Variants in KIAA1549L observed in about 807,000 individuals in gnomAD.
KIAA1549L encodes UPF0606 protein KIAA1549L.
Under a neutral mutation model 160.7 loss-of-function variants are expected in KIAA1549L, and 88 were observed. That is an observed-to-expected ratio of 0.55 (90% CI 0.46 to 0.65). The LOEUF (loss-of-function observed/expected upper bound fraction) is 0.65. KIAA1549L is among the 30% of genes least tolerant of loss of function. The probability of loss-of-function intolerance (pLI) is 0.00; values close to 1 mark genes in which losing one functional copy is unlikely to be tolerated. For synonymous variants in KIAA1549L, 950 were observed against 976.7 expected (o/e 0.97, Z 0.51); for missense variants, 2,258 against 2,437.5 (o/e 0.93, Z 1.55).
intron 1 of KIAA1549L, among the ~76,000 whole-genome samples, chr11:33,515,963 A>G (rs909802283): frequency 1.3e-5 from 2 of 152,172 alleles, no homozygotes; most frequent in African/African-American, 4.8e-5. Flanking sequence ...AACCTCAGAG[A>G]TCACCTTCCC....
intron 1 of KIAA1549L, among the ~76,000 whole-genome samples, chr11:33,533,953 G>A (rs2133155878): frequency 6.6e-6 from 1 of 152,282 alleles, no homozygotes. Flanking sequence ...AATACTGTCG[G>A]TCCAAACACA....
intron 18 of KIAA1549L, among the ~76,000 whole-genome samples, chr11:33,657,765 C>G (rs1852118000): frequency 1.3e-5 from 2 of 152,086 alleles, no homozygotes; most frequent in Non-Finnish European, 2.9e-5. Flanking sequence ...CCACTGCACT[C>G]CAGCCTGGGT....
At chr11:33,650,661 C>T (rs527426631) in intron 17 of KIAA1549L, among the ~76,000 whole-genome samples, 2 of 152,162 alleles carry the variant, frequency 1.3e-5, no homozygotes, top group Non-Finnish European at 2.9e-5. Context: ...CCAGATTCTT[C>T]CCTTCCTTCC....
chr11:33,598,748 A>G, intron 12 of KIAA1549L, 72 bp from the exon 13 acceptor site: 1 of 1,564,316 alleles, frequency 6.4e-7, no homozygotes, highest in Non-Finnish European at 8.8e-7. Flanking sequence ...AACTGTGCAA[A>G]TAAAATAACC....
At chr11:33,467,156 C>A (rs1048707698) in intron 1 of KIAA1549L, among the ~76,000 whole-genome samples, 1 of 151,850 alleles carries the variant, frequency 6.6e-6, no homozygotes, top group Non-Finnish European at 1.5e-5. Flanking sequence ...ATTTTCTTTT[C>A]ATAACGAAGT....
At chr11:33,381,853 T>A (rs2134032447) in intron 1 of KIAA1549L, among the ~76,000 whole-genome samples, 1 of 152,072 alleles carries the variant, frequency 6.6e-6, no homozygotes, top group South Asian at 2.1e-4. Flanking sequence ...ATTAAAAGGG[T>A]AGGAGAGAAA....
At chr11:33,584,176 T>C (rs1365656544) in intron 11 of KIAA1549L, among the ~76,000 whole-genome samples, 1 of 152,242 alleles carries the variant, frequency 6.6e-6, no homozygotes, top group Non-Finnish European at 1.5e-5. Flanking sequence ...GATCTTGGAC[T>C]TCTCAGCCTC....
chr11:33,574,206 TAA>T (rs59436587), intron 9 of KIAA1549L, among the ~76,000 whole-genome samples: 14,492 of 137,616 alleles, frequency 0.11, 926 homozygotes, highest in East Asian at 0.35. Context: ...AACTTTTAGG[TAA>T]AAAAAAAAAA....
At chr11:33,455,139 T>C (rs567171375) in intron 1 of KIAA1549L, among the ~76,000 whole-genome samples, 2 of 152,100 alleles carry the variant, frequency 1.3e-5, no homozygotes, top group Non-Finnish European at 2.9e-5. Context: ...AAAAACCGTT[T>C]AGCAAAACAA....
chr11:33,459,938 G>A (rs1590261125), intron 1 of KIAA1549L, among the ~76,000 whole-genome samples: 2 of 128,448 alleles, frequency 1.6e-5, no homozygotes, highest in East Asian at 2.1e-4. Context: ...TCCAGCCTGG[G>A]CGACAGAGCG....
intron 15 of KIAA1549L, among the ~76,000 whole-genome samples, chr11:33,615,299 A>G (rs1033683865): frequency 1.3e-5 from 2 of 152,182 alleles, no homozygotes; most frequent in Non-Finnish European, 2.9e-5. Context: ...TTCCATAGAA[A>G]GAGAACATAA....
chr11:33,551,359 AT>A (rs1347099731), intron 5 of KIAA1549L, 100 bp downstream of exon 5: 7 of 991,086 alleles, frequency 7.1e-6, no homozygotes, highest in African/African-American at 3.2e-5. Flanking sequence ...CTGCTGTGTC[AT>A]TTTTTAGTCC....
rs367646571 is a variant in KIAA1549L at position 33,569,849 on chromosome 11, G to A, written c.4230+1622G>A. On this transcript the variant is annotated intron_variant, in intron 9 of 20. Coordinates refer to ENST00000658780, the MANE Select transcript of KIAA1549L (RefSeq NM_012194.3). ...CACTTTTCCAAATGACAGGAAGAAA[G>A]TCACTGGTGCTCAGATAATGGAACT... is the stretch of plus-strand genomic sequence containing the variant. Among the ~76,000 whole-genome samples the A allele has an allele frequency of 5.5e-4, 84 of 152,298 alleles. 1 individual carries two copies. The highest frequency in any genetic ancestry group is 1.8e-3 in the African/African-American group (76 of 41,556).
chr11:33,630,747 C>T (rs577072181), intron 16 of KIAA1549L, among the ~76,000 whole-genome samples: 116 of 152,324 alleles, frequency 7.6e-4, no homozygotes, highest in African/African-American at 2.6e-3. Context: ...TCTTCTGCGT[C>T]GCTCACGCTG....
intron 1 of KIAA1549L, among the ~76,000 whole-genome samples, chr11:33,478,886 C>T (rs1852349817): frequency 6.6e-6 from 1 of 152,258 alleles, no homozygotes; most frequent in East Asian, 1.9e-4. Context: ...CTGCCTTGGC[C>T]TCCCAAAGTG....
rs764488480 is a variant in KIAA1549L, at chr11:33,660,918, C to G, written c.6063C>G (p.Thr2021=). The stretch of plus-strand genomic sequence containing the variant: ...CAGCTGCCAACAGACCTGGCTTCAC[C>G]GGCTACTTCATCCCAACGCCTCCCT... ...AIPAANRPGF[T]GYFIPTPPSS... Residue 2021 remains threonine (T), a synonymous_variant, in exon 20 of 21, where the codon ACC becomes ACG. Transcript: ENST00000658780. The G allele has an allele frequency of 6.2e-7, 1 of 1,613,732 alleles. No individual in the cohort carries two copies.
At chr11:33,447,480 AC>A (rs1424653892) in intron 1 of KIAA1549L, among the ~76,000 whole-genome samples, 1 of 22,932 alleles carries the variant, frequency 4.4e-5, no homozygotes, top group Non-Finnish European at 9.7e-5. Context: ...CCATCCACCC[AC>A]CCACCCACCC....
intron 1 of KIAA1549L, among the ~76,000 whole-genome samples, chr11:33,395,255 T>G (rs1012578717): frequency 3.3e-5 from 5 of 152,198 alleles, no homozygotes; most frequent in African/African-American, 1.2e-4. Flanking sequence ...AATAAGTCTT[T>G]GTTGATTATA....
At chr11:33,403,284 C>CATACACAGAGACCCAGGG (rs1223814171) in intron 1 of KIAA1549L, 41 of 5,048 alleles carry the variant, frequency 8.1e-3, no homozygotes, top group Non-Finnish European at 0.011. Context: ...CAGACACAGA[C>CATACACAGAGACCCAGGG]ACACACACAC....
Sources: allele counts gnomAD v4.1 joint callset (sites outside exome capture counted in the v4.1 genomes callset), GRCh38; gene constraint gnomAD v4.1.1; transcripts MANE v1.5; gene names NCBI Gene and HGNC (gene_info 2026-07-23, HGNC 2026-07-21).